Variants in MICU2 observed in about 807,000 individuals in gnomAD.
The protein encoded by MICU2 is mitochondrial calcium uptake 2, also known as calcium uptake protein 2, mitochondrial.
Under a neutral mutation model 60.4 loss-of-function variants are expected in MICU2, and 64 were observed. The observed-to-expected ratio is 1.06, with a 90% CI of 0.87 to 1.31. The LOEUF (loss-of-function observed/expected upper bound fraction) is 1.31, where lower values mean the gene tolerates loss of function less well. Ranked by LOEUF, MICU2 falls within the 50% of genes most tolerant of loss-of-function variation. The pLI is 0.00. For synonymous variants in MICU2, 201 were observed against 175.0 expected, an observed-to-expected ratio of 1.15 and a Z score of -1.17; for missense variants, 569 against 531.0, an observed-to-expected ratio of 1.07 and a Z score of -0.70.
intron 1 of MICU2, among the ~76,000 whole-genome samples, chr13:21,580,986 A>G (rs142123352): frequency 1.9e-3 from 293 of 152,314 alleles, no homozygotes; most frequent in Middle Eastern, 6.8e-3. Context: ...AAAAGAGATG[A>G]ACTAGTGAAG....
chr13:21,603,148 G>A (rs1888865240), intron 1 of MICU2, among the ~76,000 whole-genome samples: 1 of 151,680 alleles, frequency 6.6e-6, no homozygotes, highest in Non-Finnish European at 1.5e-5. Flanking sequence ...GGGGGGCGGG[G>A]CTGGGGTGGG....
intron 7 of MICU2, among the ~76,000 whole-genome samples, chr13:21,513,056 T>G (rs80104364): frequency 0.011 from 1,673 of 152,290 alleles, 31 homozygotes; most frequent in African/African-American, 0.039. Flanking sequence ...ACATGACTGA[T>G]TTTTGTACAT....
At chr13:21,590,761 A>T (rs1888562324) in intron 1 of MICU2, among the ~76,000 whole-genome samples, 1 of 152,212 alleles carries the variant, frequency 6.6e-6, no homozygotes, top group African/African-American at 2.4e-5. Flanking sequence ...AGGCTGAGGC[A>T]GGAGGATCGC....
At chr13:21,597,650 G>A (rs7321318) in intron 1 of MICU2, among the ~76,000 whole-genome samples, 46,765 of 151,990 alleles carry the variant, frequency 0.31, 8,436 homozygotes, top group South Asian at 0.4. Flanking sequence ...TTTCAGGGCC[G>A]GGCGCGGTGG....
In MICU2 at chr13:21,493,229, C is replaced by T. The variant is rs979375848; in HGVS notation, c.*20G>A. ...TTTGACATTTGGAACAATATAATTG[C>T]CATACTATTATATCTTTTATTAAAA... On this transcript the variant is annotated 3_prime_UTR_variant, in exon 12 of 12. Coordinates refer to ENST00000382374, the MANE Select transcript of MICU2 (RefSeq NM_152726.3). 7 of 1,481,662 alleles carry T rather than the reference C, an allele frequency of 4.7e-6. No individual in the cohort carries two copies. The highest frequency in any genetic ancestry group is 2.8e-5 in the African/African-American group (2 of 71,186). The allele number at this position is 1,481,662 out of a possible 1,614,324, so 91.8% of individuals were successfully genotyped here.
At chr13:21,579,472 C>A (rs1307326150) in intron 1 of MICU2, among the ~76,000 whole-genome samples, 1 of 151,868 alleles carries the variant, frequency 6.6e-6, no homozygotes, top group Non-Finnish European at 1.5e-5. Flanking sequence ...TCCTGAGTAG[C>A]TGGGATTACA....
chr13:21,580,177 ATGCC>A (rs1888317743), intron 1 of MICU2, among the ~76,000 whole-genome samples: 1 of 152,214 alleles, frequency 6.6e-6, no homozygotes. Context: ...GTATAAAATT[ATGCC>A]AGTGAATCAT....
intron 2 of MICU2, among the ~76,000 whole-genome samples, chr13:21,542,173 G>T (rs1220442959): frequency 2.0e-5 from 3 of 152,214 alleles, no homozygotes; most frequent in East Asian, 3.9e-4. Flanking sequence ...CTCTGGCAGG[G>T]TTTTCTTGGT....
chr13:21,580,062 G>C (rs751472764), intron 1 of MICU2, among the ~76,000 whole-genome samples: 3 of 152,026 alleles, frequency 2.0e-5, no homozygotes, highest in African/African-American at 4.8e-5. Context: ...CTAGAACCAG[G>C]GTCACTTTTC....
intron 1 of MICU2, among the ~76,000 whole-genome samples, chr13:21,574,050 T>C (rs1173408494): frequency 6.6e-6 from 1 of 152,152 alleles, no homozygotes; most frequent in Admixed American, 6.5e-5. Flanking sequence ...AAATAACCAA[T>C]GGACTGGCAG....
At position 21,510,014 on chromosome 13, in the gene MICU2, C is replaced by T; in HGVS notation, c.751G>A (p.Glu251Lys). Reference sequence around the variant, plus strand: ...AATATTTGCATTTACCTTCGAAATTCTTTATAATGAAGTTTTCTTTGTCCT... The same window carrying T: ...AATATTTGCATTTACCTTCGAAATTTTTTATAATGAAGTTTTCTTTGTCCT... ...KRGQRKLHYK[E>K]FRRFMENLQT... Residue 251 changes from glutamate (E) to lysine (K), a missense_variant, in exon 8 of 12, where the codon GAA becomes AAA. Physicochemically the swap from Glu to Lys is moderately conservative, Grantham distance 56. Coordinates refer to ENST00000382374, the MANE Select transcript of MICU2 (RefSeq NM_152726.3). 6.5e-7 allele frequency: 1 copy of T among 1,527,812 alleles called. No homozygotes were observed. Among genetic ancestry groups the T allele is most frequent in the Non-Finnish European group, 8.8e-7 (1 of 1,142,844 alleles). The allele number at this position is 1,527,812 out of a possible 1,614,324, so 94.6% of individuals were successfully genotyped here. A position where few individuals can be genotyped will look rare whatever the true frequency, so the allele number is the denominator to read the frequency against.
chr13:21,568,481 A>G (rs1399975783), intron 1 of MICU2, among the ~76,000 whole-genome samples: 1 of 152,224 alleles, frequency 6.6e-6, no homozygotes, highest in East Asian at 1.9e-4. Flanking sequence ...TAATTACGTA[A>G]GTCCACACTT....
chr13:21,586,196 A>ATT (rs1888453143), intron 1 of MICU2, among the ~76,000 whole-genome samples: 1 of 152,160 alleles, frequency 6.6e-6, no homozygotes, highest in African/African-American at 2.4e-5. Flanking sequence ...CCAGTAGCAG[A>ATT]CTAAGATCCC....
intron 2 of MICU2, among the ~76,000 whole-genome samples, chr13:21,559,679 C>T (rs901044419): frequency 1.3e-5 from 2 of 152,044 alleles, no homozygotes; most frequent in African/African-American, 2.4e-5. Context: ...TGCACGCCAC[C>T]ATGCCTGGCT....
intron 1 of MICU2, among the ~76,000 whole-genome samples, chr13:21,600,793 CTATTAT>C (rs10622847): frequency 2.7e-5 from 4 of 150,884 alleles, no homozygotes; most frequent in East Asian, 4.0e-4. Context: ...GACATATTCA[CTATTAT>C]TATTATTATT....
intron 8 of MICU2, among the ~76,000 whole-genome samples, chr13:21,504,817 T>C (rs987346388): frequency 6.6e-6 from 1 of 152,158 alleles, no homozygotes; most frequent in African/African-American, 2.4e-5. Flanking sequence ...GAGCTTGACA[T>C]TGGCATGGTA....
At chr13:21,502,832 G>C (rs1438851566) in intron 9 of MICU2, 94 bp downstream of exon 9, 8 of 1,184,516 alleles carry the variant, frequency 6.8e-6, no homozygotes, top group Non-Finnish European at 9.7e-6. Context: ...ATCGAGGGTA[G>C]CACAGTCTTG....
At chr13:21,574,574 G>A (rs890527044) in intron 1 of MICU2, among the ~76,000 whole-genome samples, 4 of 152,176 alleles carry the variant, frequency 2.6e-5, no homozygotes, top group African/African-American at 9.7e-5. Context: ...GTGACATATT[G>A]GAAAAAGTTA....
Position 21,503,087 on chromosome 13 carries a change from T to C in MICU2, c.772A>G (p.Asn258Asp), listed in dbSNP as rs565422565. The C allele has an allele frequency of 1.5e-5, 24 of 1,594,162 alleles. No individual in the cohort carries two copies. In the African/African-American group the frequency reaches 1.9e-4, roughly 13 times the overall value. ...HYKEFRRFME[N>D]LQTEIQEMEF... is the part of the protein sequence containing the mutation. Reference sequence around the variant, plus strand: ...ATTTCTTGAATCTCTGTTTGTAAATTTTCCATAAATCTGAATGTTAAAATA... The same window carrying C: ...ATTTCTTGAATCTCTGTTTGTAAATCTTCCATAAATCTGAATGTTAAAATA... Residue 258 changes from asparagine to aspartate, a missense_variant, in exon 9 of 12, where the codon AAT becomes GAT. Coordinates refer to ENST00000382374, the MANE Select transcript of MICU2 (RefSeq NM_152726.3).
Sources: gnomAD v4.1 joint callset for allele counts (sites outside exome capture counted in the v4.1 genomes callset) on GRCh38, gnomAD v4.1.1 for gene constraint, MANE v1.5 for transcripts, NCBI Gene and HGNC (gene_info 2026-07-23, HGNC 2026-07-21) for gene names.